TLN2: variants seen among roughly 807,000 people sequenced by gnomAD.
The protein encoded by TLN2 is talin-2.
In TLN2, 118 loss-of-function variants were observed where a neutral mutation model predicts 294.7. That is an observed-to-expected ratio of 0.40 (90% CI 0.34 to 0.47). TLN2 has a LOEUF of 0.47. TLN2 is among the 20% of genes least tolerant of loss of function. TLN2 has a pLI of 0.84. For missense variants in TLN2, 3,083 were observed against 3,282.2 expected (o/e 0.94, Z 1.48); for synonymous variants, 1,431 against 1,304.5 (o/e 1.10, Z -2.09).
At chr15:62,492,341 G>A (rs886502817) in intron 1 of TLN2, among the ~76,000 whole-genome samples, 3 of 151,700 alleles carry the variant, frequency 2.0e-5, no homozygotes, top group Non-Finnish European at 4.4e-5. Context: ...GGTGGATCAC[G>A]AGGTCAGGAG....
chr15:62,425,251 C>T (rs1055188315), intron 1 of TLN2, among the ~76,000 whole-genome samples: 16 of 152,200 alleles, frequency 1.1e-4, no homozygotes, highest in Non-Finnish European at 2.2e-4. Context: ...CTGTACCCAG[C>T]CCCTATTTGT....
At chr15:62,791,150 C>G (rs1209632318) in intron 45 of TLN2, among the ~76,000 whole-genome samples, 1 of 151,250 alleles carries the variant, frequency 6.6e-6, no homozygotes, top group East Asian at 1.9e-4. Flanking sequence ...AGTTCGAGAC[C>G]AGCCTGGCCA....
intron 42 of TLN2, among the ~76,000 whole-genome samples, chr15:62,773,134 A>T (rs1281915480): frequency 2.3e-5 from 3 of 130,658 alleles, no homozygotes; most frequent in African/African-American, 8.6e-5. Flanking sequence ...CCCAGCCATC[A>T]GAGATGGGGT....
intron 9 of TLN2, among the ~76,000 whole-genome samples, chr15:62,665,758 A>G (rs939390351): frequency 6.6e-6 from 1 of 152,232 alleles, no homozygotes; most frequent in Non-Finnish European, 1.5e-5. Flanking sequence ...GGAGGTCTTA[A>G]GCCAGTTTTT....
intron 1 of TLN2, among the ~76,000 whole-genome samples, chr15:62,440,725 C>A (rs918918626): frequency 6.6e-6 from 1 of 152,212 alleles, no homozygotes; most frequent in Non-Finnish European, 1.5e-5. Context: ...ATTGATACCT[C>A]CCTTCTAAAG....
At chr15:62,811,318 A>C (rs1356646735) in intron 52 of TLN2, among the ~76,000 whole-genome samples, 1 of 152,242 alleles carries the variant, frequency 6.6e-6, no homozygotes, top group African/African-American at 2.4e-5. Context: ...ATGTAGGCCA[A>C]GGAAAGACAT....
In TLN2 at chr15:62,750,395, T is replaced by A; in HGVS notation, c.4120-7T>A. 1 of 1,613,248 alleles carries A rather than the reference T, an allele frequency of 6.2e-7. No homozygotes were observed. The highest frequency in any genetic ancestry group is 1.7e-4 in the Middle Eastern group (1 of 6,058). On this transcript the variant is annotated splice_polypyrimidine_tract_variant and splice_region_variant and intron_variant, in intron 33 of 58. Transcript: ENST00000636159. ...CTTGCTTTTTATGTTGTGTTCTTCT[T>A]CTGTAGACTGTGAAGGGGATGTTGG...
intron 6 of TLN2, among the ~76,000 whole-genome samples, 198 bp downstream of exon 6, chr15:62,652,332 A>G (rs530138099): frequency 6.6e-6 from 1 of 152,272 alleles, no homozygotes; most frequent in East Asian, 1.9e-4. Flanking sequence ...CTAAGTCACA[A>G]CGGAGGGCTT....
intron 27 of TLN2, among the ~76,000 whole-genome samples, chr15:62,726,387 C>G (rs1460483769): frequency 6.6e-6 from 1 of 152,170 alleles, no homozygotes; most frequent in Non-Finnish European, 1.5e-5. Flanking sequence ...CCTGGAAATT[C>G]TCTTCCAAAA....
intron 1 of TLN2, among the ~76,000 whole-genome samples, chr15:62,399,508 C>A (rs1302161893): frequency 6.6e-6 from 1 of 152,192 alleles, no homozygotes; most frequent in Non-Finnish European, 1.5e-5. Flanking sequence ...GGAAAAGCTG[C>A]AGACACTCAA....
At chr15:62,764,943 C>T (rs1380758662) in intron 40 of TLN2, among the ~76,000 whole-genome samples, 1 of 148,720 alleles carries the variant, frequency 6.7e-6, no homozygotes, top group Admixed American at 6.8e-5. Flanking sequence ...CGCCCTTAAG[C>T]CTGGGACAAC....
At chr15:62,656,184 ACATT>A in intron 8 of TLN2, 98 bp downstream of exon 8, 1 of 1,476,878 alleles carries the variant, frequency 6.8e-7, no homozygotes, top group Non-Finnish European at 9.2e-7. Context: ...GGCTTCTGCC[ACATT>A]TATGGCGTCG....
chr15:62,742,028 T>TGG (rs1655168893), intron 32 of TLN2, among the ~76,000 whole-genome samples: 1 of 38,998 alleles, frequency 2.6e-5, no homozygotes, highest in Non-Finnish European at 8.4e-5. Flanking sequence ...TAGTGGGGTG[T>TGG]GTGTGTGTGT....
intron 11 of TLN2, among the ~76,000 whole-genome samples, chr15:62,682,704 C>G (rs1298725658): frequency 6.6e-6 from 1 of 152,164 alleles, no homozygotes; most frequent in Non-Finnish European, 1.5e-5. Context: ...TCATTGCCTT[C>G]TTTTGCATTT....
At chr15:62,596,680 G>A (rs2046546890) in intron 2 of TLN2, among the ~76,000 whole-genome samples, 2 of 151,776 alleles carry the variant, frequency 1.3e-5, no homozygotes, top group South Asian at 4.2e-4. Flanking sequence ...AGAGGTTGCA[G>A]TGAGCTGAGA....
intron 12 of TLN2, among the ~76,000 whole-genome samples, chr15:62,691,054 G>A (rs2057858464): frequency 7.0e-6 from 1 of 143,746 alleles, no homozygotes; most frequent in Admixed American, 6.9e-5. Flanking sequence ...GAGGGGGAGG[G>A]GGAGGGGAGG....
chr15:62,544,749 C>T (rs569019924), intron 1 of TLN2, among the ~76,000 whole-genome samples: 28 of 151,658 alleles, frequency 1.8e-4, no homozygotes, highest in Admixed American at 1.2e-3. Flanking sequence ...TTCTTCCCCC[C>T]CTCTAATCAC....
intron 43 of TLN2, among the ~76,000 whole-genome samples, chr15:62,778,047 A>T (rs2063842475): frequency 1.3e-5 from 2 of 152,250 alleles, no homozygotes; most frequent in South Asian, 4.1e-4. Flanking sequence ...TTTCAGGATA[A>T]TAAGCAGTCT....
At chr15:62,700,230 G>T (rs1028335932) in intron 16 of TLN2, among the ~76,000 whole-genome samples, 1 of 152,204 alleles carries the variant, frequency 6.6e-6, no homozygotes, top group Non-Finnish European at 1.5e-5. Context: ...AGTTTTCAAA[G>T]AATTAGAATG....
Sources: allele counts gnomAD v4.1 joint callset (sites outside exome capture counted in the v4.1 genomes callset), GRCh38; gene constraint gnomAD v4.1.1; transcripts MANE v1.5; gene names NCBI Gene and HGNC (gene_info 2026-07-23, HGNC 2026-07-21).